The following LRMDA variants were observed in gnomAD, a reference collection of about 807,000 sequenced individuals.
LRMDA encodes the protein leucine-rich melanocyte differentiation-associated protein.
LRMDA carries 18 observed loss-of-function variants against 29.8 expected under a neutral mutation model. That is an observed-to-expected ratio of 0.60 (90% CI 0.42 to 0.90). The LOEUF (loss-of-function observed/expected upper bound fraction) is 0.90, where lower values mean the gene tolerates loss of function less well. Ranked by LOEUF, LRMDA falls within the 40% of genes least tolerant of loss-of-function variation. LRMDA has a pLI of 0.00. For synonymous variants in LRMDA, 125 were observed against 109.4 expected, an observed-to-expected ratio of 1.14 and a Z score of -0.89; for missense variants, 273 against 273.9, an observed-to-expected ratio of 1.00 and a Z score of 0.02.
chr10:76,355,563 C>T (rs560819446), intron 6 of LRMDA, among the ~76,000 whole-genome samples: 8 of 152,274 alleles, frequency 5.3e-5, no homozygotes, highest in African/African-American at 1.9e-4. Context: ...TAACTTCTCT[C>T]ACATAGGTAT....
chr10:75,577,850 T>C (rs1176048897), intron 2 of LRMDA, among the ~76,000 whole-genome samples: 1 of 152,124 alleles, frequency 6.6e-6, no homozygotes, highest in East Asian at 1.9e-4. Flanking sequence ...AGAGATTTTG[T>C]TACCACTAGG....
chr10:76,000,299 G>A (rs1304792549), intron 2 of LRMDA, among the ~76,000 whole-genome samples: 1 of 152,176 alleles, frequency 6.6e-6, no homozygotes. Flanking sequence ...GAAATAATTA[G>A]GGAACGTGTG....
chr10:75,799,539 G>A (rs1416546670), intron 2 of LRMDA, among the ~76,000 whole-genome samples: 1 of 151,312 alleles, frequency 6.6e-6, no homozygotes, highest in Non-Finnish European at 1.5e-5. Flanking sequence ...TTTTGAAATG[G>A]AGTCTTGCTC....
In LRMDA at chr10:75,975,814, T is replaced by TTTTC. The variant is rs577494256; in HGVS notation, c.132-60181_132-60178dup. Among the ~76,000 whole-genome samples the TTTTC allele has an allele frequency of 5.3e-5, 8 of 152,306 alleles. No individual in the cohort carries two copies. The South Asian group carries it at 1.2e-3, about 24-fold the overall frequency. On this transcript the variant is annotated intron_variant, in intron 2 of 6. Transcript: ENST00000611255. Reference sequence around the variant, plus strand: ...AGGCCTCTCCAAAATCAGAGTCATTTTTTCTTTCTTTCTTTCCTTCACCAC... The same window carrying TTTTC: ...AGGCCTCTCCAAAATCAGAGTCATTTTTTCTTTCTTTCTTTCTTTCCTTCACCAC...
At chr10:76,489,122 C>T (rs2132333520) in intron 6 of LRMDA, among the ~76,000 whole-genome samples, 1 of 151,962 alleles carries the variant, frequency 6.6e-6, no homozygotes, top group Non-Finnish European at 1.5e-5. Flanking sequence ...TGATAGAATT[C>T]AGCAGTGAAT....
chr10:75,454,138 A>G (rs1311397280), intron 2 of LRMDA, among the ~76,000 whole-genome samples: 4 of 152,188 alleles, frequency 2.6e-5, no homozygotes, highest in Non-Finnish European at 5.9e-5. Flanking sequence ...CCTCCTGGCT[A>G]TAGGGCAGGA....
At chr10:76,212,638 T>G (rs1335552340) in intron 5 of LRMDA, among the ~76,000 whole-genome samples, 5 of 152,222 alleles carry the variant, frequency 3.3e-5, no homozygotes, top group African/African-American at 1.2e-4. Context: ...TTATCAGCCT[T>G]TGTATCTTAT....
At chr10:75,808,348 C>T (rs970640077) in intron 2 of LRMDA, among the ~76,000 whole-genome samples, 4 of 152,294 alleles carry the variant, frequency 2.6e-5, no homozygotes, top group African/African-American at 2.4e-5. Flanking sequence ...GAGGGCAGGG[C>T]GTGCGTCTCG....
chr10:75,778,986 G>A (rs183877514), intron 2 of LRMDA, among the ~76,000 whole-genome samples: 86 of 152,320 alleles, frequency 5.6e-4, no homozygotes, highest in African/African-American at 1.8e-3. Context: ...CCAGCTAGAT[G>A]TATGTCTAGT....
chr10:76,540,183 CATT>C (rs1355750908), intron 6 of LRMDA, among the ~76,000 whole-genome samples: 1 of 150,568 alleles, frequency 6.6e-6, no homozygotes, highest in Non-Finnish European at 1.5e-5. Flanking sequence ...ATGCAACACA[CATT>C]AGTGCCTGCA....
intron 5 of LRMDA, among the ~76,000 whole-genome samples, chr10:76,176,693 T>A (rs1034923270): frequency 1.3e-5 from 2 of 152,148 alleles, no homozygotes; most frequent in African/African-American, 2.4e-5. Flanking sequence ...ATCAGGAGGC[T>A]GGGGCAGGAG....
At chr10:75,862,968 T>A (rs1393162877) in intron 2 of LRMDA, among the ~76,000 whole-genome samples, 2 of 152,186 alleles carry the variant, frequency 1.3e-5, no homozygotes, top group Non-Finnish European at 2.9e-5. Flanking sequence ...GGGTTAATTT[T>A]CTTATAATTC....
At chr10:76,378,858 C>CTTTTTTTTTTTTTTTTTTTTTTTTTTTT in intron 6 of LRMDA, among the ~76,000 whole-genome samples, 1 of 118,966 alleles carries the variant, frequency 8.4e-6, no homozygotes, top group South Asian at 2.8e-4. Context: ...CTTTTTTTTT[C>CTTTTTTTTTTTTTTTTTTTTTTTTTTTT]TTTTTTTTTT....
At chr10:75,923,976 A>C (rs534722184) in intron 2 of LRMDA, among the ~76,000 whole-genome samples, 1 of 152,196 alleles carries the variant, frequency 6.6e-6, no homozygotes, top group Admixed American at 6.5e-5. Flanking sequence ...TCGGATTATC[A>C]TCAAATTTAT....
chr10:75,787,320 A>G (rs1365379420), intron 2 of LRMDA, among the ~76,000 whole-genome samples: 1 of 152,058 alleles, frequency 6.6e-6, no homozygotes, highest in Non-Finnish European at 1.5e-5. Context: ...TGGGTTGGAG[A>G]CGTCAGCCTG....
chr10:76,461,376 G>A (rs1477322004), intron 6 of LRMDA, among the ~76,000 whole-genome samples: 1 of 152,140 alleles, frequency 6.6e-6, no homozygotes, highest in Non-Finnish European at 1.5e-5. Context: ...TGTCAGTCCT[G>A]TATTCGCATA....
intron 2 of LRMDA, among the ~76,000 whole-genome samples, chr10:75,709,410 G>T (rs900894271): frequency 1.3e-5 from 2 of 151,726 alleles, no homozygotes; most frequent in Non-Finnish European, 2.9e-5. Context: ...ATGTGTGTGT[G>T]TCTGTGTGTA....
chr10:75,457,308 A>T (rs1444342306), intron 2 of LRMDA, among the ~76,000 whole-genome samples: 1 of 152,216 alleles, frequency 6.6e-6, no homozygotes, highest in Non-Finnish European at 1.5e-5. Context: ...TATCTGGCAA[A>T]CTAGTATAGG....
At chr10:76,074,030 G>A (rs1388644234) in intron 5 of LRMDA, among the ~76,000 whole-genome samples, 1 of 152,112 alleles carries the variant, frequency 6.6e-6, no homozygotes, top group East Asian at 1.9e-4. Flanking sequence ...ATATGTTATT[G>A]TTCTCAATAG....
Sources: gnomAD v4.1 joint callset for allele counts (sites outside exome capture counted in the v4.1 genomes callset) on GRCh38, gnomAD v4.1.1 for gene constraint, MANE v1.5 for transcripts, NCBI Gene and HGNC (gene_info 2026-07-23, HGNC 2026-07-21) for gene names.